The following CHSY3 variants were observed in gnomAD, a reference collection of about 807,000 sequenced individuals.
CHSY3 encodes the protein chondroitin sulfate synthase 3.
Under a neutral mutation model 67.2 loss-of-function variants are expected in CHSY3, and 35 were observed. The ratio of observed to expected loss-of-function variants is 0.52; its 90% CI spans 0.40 to 0.69. The LOEUF (loss-of-function observed/expected upper bound fraction) is 0.69, where lower values mean the gene tolerates loss of function less well. Ranked by LOEUF, CHSY3 falls within the 30% of genes least tolerant of loss-of-function variation. CHSY3 has a pLI of 0.00. For missense variants in CHSY3, 1,069 were observed against 1,138.5 expected (o/e 0.94, Z 0.88); for synonymous variants, 474 against 434.7 (o/e 1.09, Z -1.12).
At chr5:129,958,325 T>C (rs181656171) in intron 2 of CHSY3, among the ~76,000 whole-genome samples, 38 of 152,244 alleles carry the variant, frequency 2.5e-4, no homozygotes, top group African/African-American at 9.1e-4. Flanking sequence ...TACTGGTATA[T>C]AACTAGACCT....
At chr5:130,062,666 T>G (rs1438802113) in intron 2 of CHSY3, among the ~76,000 whole-genome samples, 1 of 152,260 alleles carries the variant, frequency 6.6e-6, no homozygotes, top group East Asian at 1.9e-4. Context: ...CAGAGGAAAT[T>G]CATGTTTCTA....
intron 2 of CHSY3, among the ~76,000 whole-genome samples, chr5:130,018,962 C>T (rs868651362): frequency 1.3e-5 from 2 of 152,098 alleles, no homozygotes; most frequent in Non-Finnish European, 2.9e-5. Flanking sequence ...CGCTTCCCCT[C>T]GGACCATCTC....
chr5:129,912,431 G>A (rs1162571262), intron 2 of CHSY3, among the ~76,000 whole-genome samples: 1 of 151,990 alleles, frequency 6.6e-6, no homozygotes, highest in Non-Finnish European at 1.5e-5. Context: ...ACCTCCTCCT[G>A]GTGTACCTCA....
At chr5:130,101,853 C>A (rs1473618774) in intron 2 of CHSY3, among the ~76,000 whole-genome samples, 1 of 152,134 alleles carries the variant, frequency 6.6e-6, no homozygotes, top group Non-Finnish European at 1.5e-5. Flanking sequence ...AATTACACCA[C>A]AATTTTGTAT....
intron 2 of CHSY3, among the ~76,000 whole-genome samples, chr5:130,021,048 C>T (rs1764375604): frequency 6.6e-6 from 1 of 152,074 alleles, no homozygotes; most frequent in Non-Finnish European, 1.5e-5. Context: ...AGACATCTGC[C>T]AAGATGGTAA....
At chr5:129,925,012 T>G (rs1200781576) in intron 2 of CHSY3, among the ~76,000 whole-genome samples, 1 of 152,190 alleles carries the variant, frequency 6.6e-6, no homozygotes, top group African/African-American at 2.4e-5. Context: ...TCTCTGTCCT[T>G]GTGGAATTTA....
intron 2 of CHSY3, among the ~76,000 whole-genome samples, chr5:129,956,354 T>G (rs1343284904): frequency 1.3e-5 from 2 of 152,144 alleles, no homozygotes; most frequent in Non-Finnish European, 2.9e-5. Context: ...TGTAGGTCTT[T>G]TTTTGGAATG....
intron 2 of CHSY3, among the ~76,000 whole-genome samples, chr5:130,169,714 C>T (rs1210358265): frequency 6.7e-6 from 1 of 149,760 alleles, no homozygotes; most frequent in East Asian, 1.9e-4. Flanking sequence ...GTAATTACAA[C>T]CAATCCAACC....
In CHSY3 at chr5:130,186,580, C is replaced by A. The variant is rs1306492182; in HGVS notation, c.*789C>A. On this transcript the variant is annotated 3_prime_UTR_variant, in exon 3 of 3. Transcript: ENST00000305031. ...GCAAGAAGATAAAATATGACAGAACCTGTTTATTTAAAATAAAACACAGGT... is the reference window on the plus strand; with the variant it reads ...GCAAGAAGATAAAATATGACAGAACATGTTTATTTAAAATAAAACACAGGT... 1 of 152,682 alleles carries A rather than the reference C, an allele frequency of 6.5e-6. No individual in the cohort carries two copies. Among genetic ancestry groups the A allele is most frequent in the Non-Finnish European group, 1.5e-5 (1 of 68,004 alleles). 9.5% of individuals were successfully genotyped at this position (152,682 alleles called of 1,614,324 possible).
chr5:130,021,606 T>G (rs1341056211), intron 2 of CHSY3, among the ~76,000 whole-genome samples: 2 of 152,238 alleles, frequency 1.3e-5, no homozygotes, highest in African/African-American at 4.8e-5. Context: ...CACATACATA[T>G]ATACAAACAT....
chr5:129,955,584 C>T (rs1223528164), intron 2 of CHSY3, among the ~76,000 whole-genome samples: 1 of 151,248 alleles, frequency 6.6e-6, no homozygotes, highest in Non-Finnish European at 1.5e-5. Context: ...TTCAGGGGTA[C>T]ATGTGTAGGT....
At chr5:129,916,609 C>A (rs574752862) in intron 2 of CHSY3, among the ~76,000 whole-genome samples, 1 of 151,960 alleles carries the variant, frequency 6.6e-6, no homozygotes, top group Non-Finnish European at 1.5e-5. Context: ...ATTTAATATA[C>A]GTGAGTATCT....
At chr5:129,955,086 C>T (rs1037814068) in intron 2 of CHSY3, among the ~76,000 whole-genome samples, 1 of 152,102 alleles carries the variant, frequency 6.6e-6, no homozygotes, top group Non-Finnish European at 1.5e-5. Context: ...CCAGGATGGT[C>T]TCAGTCTCCT....
At chr5:130,077,641 G>A (rs1766312187) in intron 2 of CHSY3, among the ~76,000 whole-genome samples, 1 of 152,028 alleles carries the variant, frequency 6.6e-6, no homozygotes, top group African/African-American at 2.4e-5. Flanking sequence ...ATACAAGCAG[G>A]TGTTCTATAC....
chr5:130,125,569 A>T (rs1163658669), intron 2 of CHSY3, among the ~76,000 whole-genome samples: 1 of 152,224 alleles, frequency 6.6e-6, no homozygotes, highest in African/African-American at 2.4e-5. Flanking sequence ...GCTATACATG[A>T]TAAAATTTCA....
intron 2 of CHSY3, among the ~76,000 whole-genome samples, chr5:129,987,763 A>C (rs138821113): frequency 6.6e-6 from 1 of 152,344 alleles, no homozygotes; most frequent in East Asian, 1.9e-4. Context: ...ATAGCTGGCC[A>C]GCAGAAAAAA....
At chr5:130,048,635 G>GCT (rs150014220) in intron 2 of CHSY3, among the ~76,000 whole-genome samples, 13 of 150,212 alleles carry the variant, frequency 8.7e-5, no homozygotes, top group South Asian at 4.2e-4. Context: ...TAATTACTCT[G>GCT]CTCTCTCTCT....
At chr5:130,058,310 A>G (rs747918817) in intron 2 of CHSY3, among the ~76,000 whole-genome samples, 2 of 152,162 alleles carry the variant, frequency 1.3e-5, no homozygotes, top group African/African-American at 2.4e-5. Flanking sequence ...AGATGATATC[A>G]TACAATATCA....
At chr5:130,162,123 A>G (rs1314766675) in intron 2 of CHSY3, among the ~76,000 whole-genome samples, 1 of 151,764 alleles carries the variant, frequency 6.6e-6, no homozygotes, top group Non-Finnish European at 1.5e-5. Context: ...TTATTTGGTC[A>G]ATTAATTTTA....
Sources: allele counts gnomAD v4.1 joint callset (sites outside exome capture counted in the v4.1 genomes callset), GRCh38; gene constraint gnomAD v4.1.1; transcripts MANE v1.5; gene names NCBI Gene and HGNC (gene_info 2026-07-23, HGNC 2026-07-21).